The following PITPNM2 variants were observed in gnomAD, a reference collection of about 807,000 sequenced individuals.
The protein encoded by PITPNM2 is membrane-associated phosphatidylinositol transfer protein 2.
PITPNM2 carries 35 observed loss-of-function variants against 132.2 expected under a neutral mutation model. That is an observed-to-expected ratio of 0.26 (90% CI 0.20 to 0.35). The LOEUF is 0.35. PITPNM2 is among the 10% of genes least tolerant of loss of function. PITPNM2 has a pLI of 1.00. For missense variants in PITPNM2, 1,332 were observed against 1,912.0 expected, an observed-to-expected ratio of 0.70 and a Z score of 5.66; for synonymous variants, 738 against 799.2, an observed-to-expected ratio of 0.92 and a Z score of 1.29.
chr12:122,989,312 C>T (rs1236194595), intron 18 of PITPNM2, among the ~76,000 whole-genome samples: 4 of 152,188 alleles, frequency 2.6e-5, no homozygotes, highest in East Asian at 1.9e-4. Flanking sequence ...AGGGTGCTGC[C>T]CTTCTCGCAC....
chr12:123,036,612 T>C lies in PITPNM2; in HGVS notation c.-95-1927A>G, dbSNP rs2040276829. Among the ~76,000 whole-genome samples, 1 of 152,214 alleles carries C rather than the reference T, an allele frequency of 6.6e-6. No individual in the cohort carries two copies. The highest frequency in any genetic ancestry group is 2.4e-5 in the African/African-American group (1 of 41,446). On this transcript the variant is annotated intron_variant, in intron 2 of 25. Transcript: ENST00000320201. The surrounding 1 kb of genome is among the most constrained non-coding windows in gnomAD (Gnocchi z 4.1). ...CCGATTAGAGCCTAGATACTTTATA[T>C]ACCCCAGAAACTGCACCCAACATCT...
chr12:123,113,670 C>A (rs907057308), intron 1 of PITPNM2, among the ~76,000 whole-genome samples: 14 of 151,950 alleles, frequency 9.2e-5, no homozygotes, highest in Non-Finnish European at 1.8e-4. Flanking sequence ...CACTGCACTC[C>A]AGCCTGAGTG....
rs76495584 is a variant in PITPNM2, at chr12:123,005,580, C to T, written c.644-32G>A. ...CCCATGGGGATCAGAGAGGGAGAGACGAGGGGAGGGAGGTCAGCGCAGGAG... is the reference window on the plus strand; with the variant it reads ...CCCATGGGGATCAGAGAGGGAGAGATGAGGGGAGGGAGGTCAGCGCAGGAG... On this transcript the variant is annotated intron_variant, in intron 6 of 25. Transcript: ENST00000320201. This position sits in a 1 kb window ranked among gnomAD's most constrained non-coding sequence, Gnocchi z 6.2. 0.01 allele frequency: 16,556 copies of T among 1,594,410 alleles called. 131 individuals are homozygous for T. Among genetic ancestry groups the T allele is most frequent in the Middle Eastern group, 0.054 (322 of 6,016 alleles).
At chr12:123,030,469 G>A (rs533140435) in intron 3 of PITPNM2, among the ~76,000 whole-genome samples, 12 of 152,228 alleles carry the variant, frequency 7.9e-5, no homozygotes, top group Admixed American at 1.3e-4. Flanking sequence ...TGAGGCGGGC[G>A]GATCACGAGG....
At chr12:123,081,640 A>C (rs2041965034) in intron 2 of PITPNM2, 1 of 152,128 alleles carries the variant, frequency 6.6e-6, no homozygotes, top group Non-Finnish European at 1.5e-5. Flanking sequence ...TCAGAAAGGG[A>C]GGTAACTTCT....
intron 2 of PITPNM2, among the ~76,000 whole-genome samples, chr12:123,068,610 A>G (rs1205717854): frequency 6.6e-6 from 1 of 152,214 alleles, no homozygotes; most frequent in Non-Finnish European, 1.5e-5. Flanking sequence ...GAAATACTTA[A>G]CAGCCCCCTA....
intron 3 of PITPNM2, among the ~76,000 whole-genome samples, chr12:123,025,282 A>T (rs987824752): frequency 6.6e-6 from 1 of 152,196 alleles, no homozygotes; most frequent in Non-Finnish European, 1.5e-5. Flanking sequence ...CTAAGGCACA[A>T]AAAATGTGCT....
chr12:123,139,606 C>T lies in PITPNM2; in HGVS notation c.-200+11147G>A, dbSNP rs772673659. 5.9e-5 allele frequency among the ~76,000 whole-genome samples: 9 copies of T among 152,182 alleles called. No homozygotes were observed. In the South Asian group the frequency reaches 8.3e-4, roughly 14 times the overall value. On this transcript the variant is annotated intron_variant, in intron 1 of 25. Transcript: ENST00000320201. ...TTTTTCCACTGGGCTTCCAGAGACC[C>T]TTCCTGTCCTCTCCCACACACCACA...
intron 2 of PITPNM2, among the ~76,000 whole-genome samples, chr12:123,085,486 T>A (rs536666439): frequency 4.3e-4 from 65 of 151,900 alleles, no homozygotes; most frequent in African/African-American, 1.5e-3. Context: ...AGACAAAGAG[T>A]ACGGCAGAGG....
At chr12:123,015,641 A>G (rs1410543682) in intron 3 of PITPNM2, among the ~76,000 whole-genome samples, 1 of 152,208 alleles carries the variant, frequency 6.6e-6, no homozygotes, top group Non-Finnish European at 1.5e-5. Context: ...ACAAAATGAT[A>G]AAACAGAAGA....
intron 22 of PITPNM2, 23 bp downstream of exon 22, chr12:122,987,488 G>T: frequency 6.2e-7 from 1 of 1,610,850 alleles, no homozygotes; most frequent in Admixed American, 1.7e-5. Flanking sequence ...TGCCTATCCC[G>T]CCCTCCCAGT....
intron 6 of PITPNM2, chr12:123,007,274 A>G (rs1287250261): frequency 2.2e-6 from 1 of 451,342 alleles, no homozygotes; most frequent in East Asian, 7.0e-5. Flanking sequence ...ATTGTGTGGC[A>G]TCCGTGTGTG....
rs2039114994 is a variant in PITPNM2, at chr12:123,009,988, G to A, written c.505C>T (p.Arg169Trp). ...ATCCAGTTCTCGGACAGGGGCCCCC[G>A]CTGGGTCTTGGTTGACTGGAACAGC... Reference protein sequence around the residue: ...PKLFQSTKTQRGPLSENWIEE... With the variant: ...PKLFQSTKTQWGPLSENWIEE... Residue 169 changes from arginine (R) to tryptophan (W), a missense_variant, in exon 6 of 26, where the codon CGG (arginine) becomes TGG (tryptophan). Transcript: ENST00000320201. This position sits in a 1 kb window ranked among gnomAD's most constrained non-coding sequence, Gnocchi z 4.8. 5 of 1,614,042 alleles carry A rather than the reference G, an allele frequency of 3.1e-6. No individual in the cohort carries two copies. Among genetic ancestry groups the A allele is most frequent in the Non-Finnish European group, 3.4e-6 (4 of 1,180,036 alleles).
rs762896348 is a variant in PITPNM2, at chr12:123,119,355, A to ACTTTTTTTTTTTTTTTTTTTTTTTT, written c.-199-8868_-199-8867insAAAAAAAAAAAAAAAAAAAAAAAAG. 1.5e-5 allele frequency among the ~76,000 whole-genome samples: 2 copies of ACTTTTTTTTTTTTTTTTTTTTTTTT among 129,306 alleles called. 1 individual carries two copies. Among genetic ancestry groups the ACTTTTTTTTTTTTTTTTTTTTTTTT allele is most frequent in the African/African-American group, 5.6e-5 (2 of 35,422 alleles). 84.8% of individuals were successfully genotyped at this position (129,306 alleles called of 152,430 possible). A position where few individuals can be genotyped will look rare whatever the true frequency, so the allele number is the denominator to read the frequency against. On this transcript the variant is annotated intron_variant, in intron 1 of 25. Transcript: ENST00000320201. ...CTATCTAGAAGCATAGAGGATGGTG[A>ACTTTTTTTTTTTTTTTTTTTTTTTT]TTTTTTTTTTTTTTTTTTTTGAGAC...
chr12:123,129,191 C>A (rs2043209978), intron 1 of PITPNM2, among the ~76,000 whole-genome samples: 1 of 151,914 alleles, frequency 6.6e-6, no homozygotes. Context: ...GTCCCAACTA[C>A]TCGGCAGGCT....
intron 8 of PITPNM2, among the ~76,000 whole-genome samples, chr12:123,002,681 C>T (rs1284720714): frequency 2.0e-5 from 3 of 152,140 alleles, no homozygotes; most frequent in Admixed American, 6.5e-5. Context: ...GGATAACAGG[C>T]GTGAGCCACC....
chr12:123,009,797 G>A lies in PITPNM2; in HGVS notation c.643+53C>T. 2 of 1,504,156 alleles carry A rather than the reference G, an allele frequency of 1.3e-6. No individual in the cohort carries two copies. The highest frequency in any genetic ancestry group is 3.3e-5 in the Admixed American group (2 of 59,780). The allele number at this position is 1,504,156 out of a possible 1,614,324, so 93.2% of individuals were successfully genotyped here. On this transcript the variant is annotated intron_variant, in intron 6 of 25. Coordinates refer to ENST00000320201, the MANE Select transcript of PITPNM2 (RefSeq NM_020845.3). This position sits in a 1 kb window ranked among gnomAD's most constrained non-coding sequence, Gnocchi z 4.8. ...GGAGGCAGACAGGCAGGTGACAGGA[G>A]ACAGAGGGGTTGGGTAGCCCAGCCA...
At position 122,992,103 on chromosome 12, in the gene PITPNM2, C is replaced by T. The variant is rs929461281; in HGVS notation, c.2404+396G>A. Among the ~76,000 whole-genome samples the T allele has an allele frequency of 1.3e-5, 2 of 152,090 alleles. No homozygotes were observed. Among genetic ancestry groups the T allele is most frequent in the East Asian group, 1.9e-4 (1 of 5,186 alleles). ...TCCTGCACCCTATCTCGGGGCCAGC[C>T]GCCTGCCATGATGGGACCCAGCCGA... On this transcript the variant is annotated intron_variant, in intron 16 of 25. Coordinates refer to ENST00000320201, the MANE Select transcript of PITPNM2 (RefSeq NM_020845.3). The surrounding 1 kb of genome is among the most constrained non-coding windows in gnomAD (Gnocchi z 6.5).
intron 1 of PITPNM2, among the ~76,000 whole-genome samples, chr12:123,122,452 G>T (rs1201430836): frequency 6.6e-6 from 1 of 151,980 alleles, no homozygotes; most frequent in Non-Finnish European, 1.5e-5. Flanking sequence ...ACAGAACAAG[G>T]CTCCGTCTCC....
Sources: allele counts gnomAD v4.1 joint callset (sites outside exome capture counted in the v4.1 genomes callset), GRCh38; gene constraint gnomAD v4.1.1; non-coding constraint Gnocchi (gnomAD v3.1); transcripts MANE v1.5; gene names NCBI Gene and HGNC (gene_info 2026-07-23, HGNC 2026-07-21).